CEMIP2: variants seen among roughly 807,000 people sequenced by gnomAD.
CEMIP2 encodes the protein cell migration inducing hyaluronidase 2.
In CEMIP2, 79 loss-of-function variants were observed where a neutral mutation model predicts 146.9. The ratio of observed to expected loss-of-function variants is 0.54; its 90% CI spans 0.45 to 0.65. CEMIP2 has a LOEUF of 0.65. Among genes scored for constraint, CEMIP2 ranks in the 30% least tolerant of loss-of-function variants. CEMIP2 has a pLI of 0.00. For missense variants in CEMIP2, 1,596 were observed against 1,696.2 expected, an observed-to-expected ratio of 0.94 and a Z score of 1.04; for synonymous variants, 601 against 606.3, an observed-to-expected ratio of 0.99 and a Z score of 0.13.
chr9:71,739,999 GA>G (rs200855186), intron 5 of CEMIP2, 63 bp downstream of exon 5: 1,114 of 1,367,952 alleles, frequency 8.1e-4, no homozygotes, highest in South Asian at 2.2e-3. Context: ...ACTATTCTTA[GA>G]AAAAAAAAAT....
Position 71,700,689 on chromosome 9 carries a change from C to T in CEMIP2, c.3330G>A (p.Leu1110=), listed in dbSNP as rs368728093. ...EYEPVHSLEE[L]QRKQSERKFY... is the part of the protein sequence containing the mutation. ...ATTTCCTCTCGGATTGCTTTCTTTGCAGTTCTTCCAGTGAATGCACAGGCT... is the reference window on the plus strand; with the variant it reads ...ATTTCCTCTCGGATTGCTTTCTTTGTAGTTCTTCCAGTGAATGCACAGGCT... Residue 1110 remains leucine (L), a synonymous_variant, in exon 19 of 24, where the codon CTG becomes CTA. Transcript: ENST00000377044. The T allele has an allele frequency of 3.1e-5, 50 of 1,610,082 alleles. No individual in the cohort carries two copies. Among genetic ancestry groups the T allele is most frequent in the East Asian group, 1.3e-4 (6 of 44,770 alleles).
In CEMIP2 at chr9:71,759,570, A is replaced by G. The variant is rs114620945; in HGVS notation, c.-13+8787T>C. ...GAGAATGAGGGCTTGGATCCTGGTAAAAAAGGTTATGGGAAGGAGAAGAGG... is the reference window on the plus strand; with the variant it reads ...GAGAATGAGGGCTTGGATCCTGGTAGAAAAGGTTATGGGAAGGAGAAGAGG... On this transcript the variant is annotated intron_variant, in intron 1 of 23. Coordinates refer to ENST00000377044, the MANE Select transcript of CEMIP2 (RefSeq NM_013390.3). 2.6e-3 allele frequency among the ~76,000 whole-genome samples: 396 copies of G among 152,300 alleles called. 1 individual carries two copies. Among genetic ancestry groups the G allele is most frequent in the African/African-American group, 8.8e-3 (365 of 41,558 alleles).
chr9:71,739,155 A>T (rs1235541796), intron 5 of CEMIP2, among the ~76,000 whole-genome samples: 1 of 152,068 alleles, frequency 6.6e-6, no homozygotes, highest in Admixed American at 6.6e-5. Flanking sequence ...TCTTTCAAAA[A>T]TGAGTATTTA....
chr9:71,709,503 C>CA, intron 16 of CEMIP2, 29 bp from the exon 17 acceptor site: 1 of 1,590,744 alleles, frequency 6.3e-7, no homozygotes, highest in Non-Finnish European at 8.6e-7. Context: ...AAAGACATCA[C>CA]AAAGTGAGGG....
At chr9:71,690,894 G>A (rs1046628819) in intron 21 of CEMIP2, among the ~76,000 whole-genome samples, 3 of 152,052 alleles carry the variant, frequency 2.0e-5, no homozygotes, top group African/African-American at 7.2e-5. Context: ...TCAAGAAAAA[G>A]GAACTCCAGA....
intron 10 of CEMIP2, among the ~76,000 whole-genome samples, chr9:71,728,448 C>T (rs938289856): frequency 1.3e-5 from 2 of 148,766 alleles, no homozygotes; most frequent in Non-Finnish European, 3.0e-5. Context: ...CACCACTACA[C>T]TTCAACCTGG....
intron 14 of CEMIP2, among the ~76,000 whole-genome samples, chr9:71,715,527 G>A (rs1255895302): frequency 6.7e-6 from 1 of 149,730 alleles, no homozygotes; most frequent in Non-Finnish European, 1.5e-5. Context: ...TTATAGTTAT[G>A]AGCCATCACA....
chr9:71,723,137 A>G (rs577003700), intron 11 of CEMIP2, among the ~76,000 whole-genome samples: 260 of 23,894 alleles, frequency 0.011, no homozygotes, highest in Middle Eastern at 0.091. Context: ...ACAGCCAAAG[A>G]AAAAAAAAAA....
At chr9:71,755,857 T>G (rs12554142) in intron 1 of CEMIP2, among the ~76,000 whole-genome samples, 10,384 of 146,052 alleles carry the variant, frequency 0.071, 507 homozygotes, top group South Asian at 0.19. Flanking sequence ...AGCTACTCAC[T>G]AGACTGAGGC....
intron 1 of CEMIP2, among the ~76,000 whole-genome samples, chr9:71,753,521 T>A (rs1452655056): frequency 6.6e-6 from 1 of 152,216 alleles, no homozygotes; most frequent in Non-Finnish European, 1.5e-5. Flanking sequence ...TATGTAAATG[T>A]GTATACACAT....
chr9:71,726,222 A>C (rs1823381187), intron 10 of CEMIP2, among the ~76,000 whole-genome samples: 1 of 152,130 alleles, frequency 6.6e-6, no homozygotes, highest in Non-Finnish European at 1.5e-5. Context: ...AAAAACCACC[A>C]CACGTATGAA....
chr9:71,753,604 A>G (rs962681757), intron 1 of CEMIP2, among the ~76,000 whole-genome samples: 35 of 152,320 alleles, frequency 2.3e-4, no homozygotes, highest in African/African-American at 8.2e-4. Context: ...GATTCTTTTC[A>G]TAAGAGGTAA....
At chr9:71,698,616 G>A (rs1253644977) in intron 19 of CEMIP2, among the ~76,000 whole-genome samples, 1 of 152,096 alleles carries the variant, frequency 6.6e-6, no homozygotes, top group African/African-American at 2.4e-5. Flanking sequence ...TTTGGTTAAG[G>A]CATAAAACTG....
intron 18 of CEMIP2, among the ~76,000 whole-genome samples, chr9:71,702,591 C>T (rs1390428826): frequency 9.2e-5 from 14 of 152,108 alleles, no homozygotes; most frequent in Admixed American, 8.5e-4. Context: ...TCTATATTTT[C>T]CTTATTTTGT....
chr9:71,719,842 C>CAAAAAAAAAAAAAAAAAAAAAAA (rs34555277), intron 12 of CEMIP2, among the ~76,000 whole-genome samples: 1 of 93,194 alleles, frequency 1.1e-5, no homozygotes, highest in African/African-American at 4.0e-5. Flanking sequence ...TAAACGAAAG[C>CAAAAAAAAAAAAAAAAAAAAAAA]AAAAAAAAAA....
intron 22 of CEMIP2, among the ~76,000 whole-genome samples, chr9:71,688,009 C>A (rs986147026): frequency 3.3e-5 from 5 of 152,088 alleles, no homozygotes; most frequent in Non-Finnish European, 4.4e-5. Context: ...GGTATGTGCC[C>A]ACATACCCAG....
chr9:71,745,817 A>T (rs1824071468), intron 3 of CEMIP2, among the ~76,000 whole-genome samples: 1 of 152,176 alleles, frequency 6.6e-6, no homozygotes, highest in South Asian at 2.1e-4. Context: ...TTCTCTTAAA[A>T]ATATCTAAGA....
At chr9:71,703,437 G>A (rs1365737881) in intron 18 of CEMIP2, among the ~76,000 whole-genome samples, 1 of 152,190 alleles carries the variant, frequency 6.6e-6, no homozygotes, top group Admixed American at 6.5e-5. Flanking sequence ...AAGGGCATCT[G>A]CCACGATGTT....
chr9:71,691,797 A>G (rs997985776), intron 21 of CEMIP2, among the ~76,000 whole-genome samples: 2 of 151,898 alleles, frequency 1.3e-5, no homozygotes, highest in Admixed American at 6.6e-5. Flanking sequence ...ATAGCAAGAC[A>G]CTGTCTTAAA....
Sources: allele counts gnomAD v4.1 joint callset (sites outside exome capture counted in the v4.1 genomes callset), GRCh38; gene constraint gnomAD v4.1.1; transcripts MANE v1.5; gene names NCBI Gene and HGNC (gene_info 2026-07-23, HGNC 2026-07-21).